PRR27: variants seen among roughly 807,000 people sequenced by gnomAD.
The protein encoded by PRR27 is proline rich 27.
Under a neutral mutation model 16.8 loss-of-function variants are expected in PRR27, and 12 were observed. That is an observed-to-expected ratio of 0.71 (90% confidence interval 0.46 to 1.16). The LOEUF (loss-of-function observed/expected upper bound fraction) is 1.16. PRR27 is among the 50% of genes most tolerant of loss of function. PRR27 has a pLI of 0.00. For missense variants in PRR27, 277 were observed against 273.3 expected, an observed-to-expected ratio of 1.01 and a Z score of -0.10; for synonymous variants, 100 against 98.4, an observed-to-expected ratio of 1.02 and a Z score of -0.10.
intron 2 of PRR27, among the ~76,000 whole-genome samples, chr4:70,157,836 A>G (rs1238351528): frequency 6.6e-6 from 1 of 152,198 alleles, no homozygotes; most frequent in African/African-American, 2.4e-5. Flanking sequence ...GAAGGGAAGC[A>G]TTGATAAAGA....
intron 3 of PRR27, among the ~76,000 whole-genome samples, chr4:70,159,631 TTATATC>T (rs1016852987): frequency 3.9e-5 from 6 of 152,200 alleles, no homozygotes; most frequent in Admixed American, 1.3e-4. Context: ...CCACATATTA[TTATATC>T]TATAACATAC....
intron 4 of PRR27, among the ~76,000 whole-genome samples, 178 bp from the exon 5 acceptor site, chr4:70,162,517 A>G (rs899800089): frequency 2.3e-4 from 4 of 17,688 alleles, no homozygotes; most frequent in Non-Finnish European, 1.7e-3. Context: ...ATAGTTTCAT[A>G]TATTCTGTAG....
rs1300721510 is a variant in PRR27, at chr4:70,158,347, AC to A, written c.98del (p.Pro33HisfsTer6). ...CTTTAGGATGACAATGACGATGGTC[AC>A]CCACTTCATCCATCTCTGAATATTC... is the stretch of plus-strand genomic sequence containing the variant. ...FIGEDDNDDG[H>X]PLHPSLNIPY... On this transcript the variant is annotated frameshift_variant, in exon 3 of 5. Coordinates refer to ENST00000344526, the MANE Select transcript of PRR27 (RefSeq NM_214711.4). LOFTEE classifies it high-confidence loss of function. 1 of 1,602,064 alleles carries A rather than the reference AC, an allele frequency of 6.2e-7. No homozygotes were observed. The highest frequency in any genetic ancestry group is 8.5e-7 in the Non-Finnish European group (1 of 1,170,068).
chr4:70,156,031 A>G (rs1369718938), intron 1 of PRR27, 23 bp from the exon 2 acceptor site: 1 of 1,401,904 alleles, frequency 7.1e-7, no homozygotes, highest in Admixed American at 2.5e-5. Context: ...AACCGCATTA[A>G]AATATATTTT....
intron 4 of PRR27, among the ~76,000 whole-genome samples, chr4:70,161,875 G>A (rs2109794821): frequency 6.6e-6 from 1 of 152,210 alleles, no homozygotes; most frequent in East Asian, 1.9e-4. Context: ...AATTGATTAT[G>A]ACTTGAAGAT....
At chr4:70,158,260 G>A (rs1372132208) in intron 2 of PRR27, 68 bp from the exon 3 acceptor site, 2 of 980,378 alleles carry the variant, frequency 2.0e-6, no homozygotes, top group African/African-American at 1.7e-5. Context: ...TATCATCACA[G>A]TTGTACCATA....
At chr4:70,159,406 G>A (rs1312497474) in intron 3 of PRR27, among the ~76,000 whole-genome samples, 2 of 152,090 alleles carry the variant, frequency 1.3e-5, no homozygotes, top group South Asian at 2.1e-4. Context: ...ACAGATTTTA[G>A]CTTCCAAACT....
In PRR27 at chr4:70,163,902, T is replaced by G. The variant is rs968205073; in HGVS notation, c.*1241T>G. 6.6e-6 allele frequency: 1 copy of G among 152,024 alleles called. No individual in the cohort carries two copies. The highest frequency in any genetic ancestry group is 2.4e-5 in the African/African-American group (1 of 41,466). The allele number at this position is 152,024 out of a possible 1,614,324, so 9.4% of individuals were successfully genotyped here. ...GCAGCAGCTTTTTTTTTTTTTTCCT[T>G]TTTCAAATATGTTGGTTTTGATCTT... On this transcript the variant is annotated 3_prime_UTR_variant, in exon 5 of 5. Coordinates refer to ENST00000344526, the MANE Select transcript of PRR27 (RefSeq NM_214711.4).
At chr4:70,157,908 G>A (rs1578219723) in intron 2 of PRR27, among the ~76,000 whole-genome samples, 1 of 152,146 alleles carries the variant, frequency 6.6e-6, no homozygotes, top group Non-Finnish European at 1.5e-5. Context: ...GAATAATGAA[G>A]CAGAGGCTTC....
intron 2 of PRR27, among the ~76,000 whole-genome samples, chr4:70,156,627 GT>G (rs1728488292): frequency 6.6e-6 from 1 of 152,218 alleles, no homozygotes; most frequent in African/African-American, 2.4e-5. Context: ...GATGTTAGAT[GT>G]TTTTTTCAGT....
At chr4:70,155,695 A>G (rs1372216735) in intron 1 of PRR27, among the ~76,000 whole-genome samples, 1 of 48,644 alleles carries the variant, frequency 2.1e-5, no homozygotes, top group Non-Finnish European at 5.7e-5. Flanking sequence ...ACACAGATGC[A>G]CACACACACA....
Position 70,161,618 on chromosome 4 carries a change from T to G in PRR27, c.*21T>G. 6.7e-7 allele frequency: 1 copy of G among 1,482,912 alleles called. No individual in the cohort carries two copies. Among genetic ancestry groups the G allele is most frequent in the Non-Finnish European group, 9.3e-7 (1 of 1,076,538 alleles). 91.9% of individuals were successfully genotyped at this position (1,482,912 alleles called of 1,614,324 possible). On this transcript the variant is annotated 3_prime_UTR_variant, in exon 4 of 5. Coordinates refer to ENST00000344526, the MANE Select transcript of PRR27 (RefSeq NM_214711.4). ...AGTGAAATTCTCTAGAAGAGTACCA[T>G]GGGTTCATTTCTGTAAGTCATATGT...
intron 2 of PRR27, 119 bp from the exon 3 acceptor site, chr4:70,158,204 AAAGAT>A (rs1221036013): frequency 4.4e-6 from 3 of 684,248 alleles, no homozygotes; most frequent in Non-Finnish European, 7.4e-6. Flanking sequence ...TAGACTTAAG[AAAGAT>A]AAGACATTGG....
intron 4 of PRR27, among the ~76,000 whole-genome samples, chr4:70,162,384 T>A (rs1728668866): frequency 6.6e-6 from 1 of 152,206 alleles, no homozygotes; most frequent in East Asian, 1.9e-4. Flanking sequence ...CCAAAGAAAC[T>A]AAAAGATATC....
chr4:70,156,002 C>A, intron 1 of PRR27, 52 bp from the exon 2 acceptor site: 1 of 1,106,906 alleles, frequency 9.0e-7, no homozygotes, highest in Non-Finnish European at 1.3e-6. Flanking sequence ...AATGTAGGTG[C>A]AGATGTTTTC....
In PRR27 at chr4:70,162,819, A is replaced by C. The variant is rs1048458573; in HGVS notation, c.*158A>C. Reference sequence around the variant, plus strand: ...TTTGTTTGTGGTAGTTTTTCCTTGGACTTAATTTATATTGAAAAAACATTG... The same window carrying C: ...TTTGTTTGTGGTAGTTTTTCCTTGGCCTTAATTTATATTGAAAAAACATTG... On this transcript the variant is annotated 3_prime_UTR_variant, in exon 5 of 5. Coordinates refer to ENST00000344526, the MANE Select transcript of PRR27 (RefSeq NM_214711.4). 1 of 152,092 alleles carries C rather than the reference A, an allele frequency of 6.6e-6. No homozygotes were observed. The highest frequency in any genetic ancestry group is 1.5e-5 in the Non-Finnish European group (1 of 68,018). 9.4% of individuals were successfully genotyped at this position (152,092 alleles called of 1,614,324 possible).
Position 70,158,698 on chromosome 4 carries a change from C to T in PRR27, c.446C>T (p.Ala149Val). 1 of 1,613,350 alleles carries T rather than the reference C, an allele frequency of 6.2e-7. No individual in the cohort carries two copies. The highest frequency in any genetic ancestry group is 8.5e-7 in the Non-Finnish European group (1 of 1,179,470). ...GCCACACCTGTAGCAGCTGAGCCTG[C>T]TGCAGGGGCCCCTGTTGCAGCTGAG... is the stretch of plus-strand genomic sequence containing the variant. The part of the protein sequence containing the change: ...LTATPVAAEP[A>V]AGAPVAAEPA... Residue 149 changes from alanine to valine, a missense_variant, in exon 3 of 5, where the codon GCT becomes GTT. Ala to Val is a moderately conservative substitution (Grantham distance 64). Coordinates refer to ENST00000344526, the MANE Select transcript of PRR27 (RefSeq NM_214711.4).
intron 1 of PRR27, among the ~76,000 whole-genome samples, chr4:70,155,493 C>A (rs1189426726): frequency 6.6e-6 from 1 of 151,986 alleles, no homozygotes; most frequent in Non-Finnish European, 1.5e-5. Flanking sequence ...CTCAGCCTAC[C>A]CAGTAGCTGG....
intron 4 of PRR27, among the ~76,000 whole-genome samples, chr4:70,162,211 G>T (rs1410712739): frequency 1.3e-5 from 2 of 152,140 alleles, no homozygotes; most frequent in African/African-American, 4.8e-5. Context: ...CCTTCTCAAA[G>T]ATGTTCCAAT....
Sources: gnomAD v4.1 joint callset for allele counts (sites outside exome capture counted in the v4.1 genomes callset) on GRCh38, gnomAD v4.1.1 for gene constraint, MANE v1.5 for transcripts, NCBI Gene and HGNC (gene_info 2026-07-23, HGNC 2026-07-21) for gene names.